The following SCN8A variants were observed in gnomAD, a reference collection of about 807,000 sequenced individuals.
SCN8A encodes sodium voltage-gated channel alpha subunit 8, also known as sodium channel protein type 8 subunit alpha.
Under a neutral mutation model 184.1 loss-of-function variants are expected in SCN8A, and 30 were observed. The ratio of observed to expected loss-of-function variants is 0.16; its 90% CI spans 0.12 to 0.22. The LOEUF is 0.22. Ranked by LOEUF, SCN8A falls within the 10% of genes least tolerant of loss-of-function variation. The pLI is 1.00. For synonymous variants in SCN8A, 852 were observed against 907.0 expected (o/e 0.94, Z 1.09); for missense variants, 1,057 against 2,498.9 (o/e 0.42, Z 12.30).
chr12:51,775,147 T>G (rs1937648202), intron 20 of SCN8A, among the ~76,000 whole-genome samples: 3 of 152,218 alleles, frequency 2.0e-5, no homozygotes, highest in South Asian at 2.1e-4. Flanking sequence ...GTCAGCATTT[T>G]AAAGAAAGGA....
At chr12:51,782,207 T>G (rs1431928722) in intron 21 of SCN8A, among the ~76,000 whole-genome samples, 1 of 152,186 alleles carries the variant, frequency 6.6e-6, no homozygotes, top group African/African-American at 2.4e-5. Flanking sequence ...TCAAAAAACT[T>G]GGGATTTTAA....
chr12:51,627,408 A>G (rs1940102836), intron 1 of SCN8A, among the ~76,000 whole-genome samples: 1 of 152,224 alleles, frequency 6.6e-6, no homozygotes. Context: ...TTTGAGACGC[A>G]GTCTTGCTCT....
At chr12:51,682,802 C>T (rs1671554061) in intron 2 of SCN8A, among the ~76,000 whole-genome samples, 1 of 152,108 alleles carries the variant, frequency 6.6e-6, no homozygotes, top group African/African-American at 2.4e-5. Context: ...GTCTAGTAGG[C>T]CCTTGCATCT....
chr12:51,633,048 A>G lies in SCN8A; in HGVS notation c.-54-29716A>G, dbSNP rs142770936. On this transcript the variant is annotated intron_variant, in intron 1 of 26. Coordinates refer to ENST00000627620, the MANE Select transcript of SCN8A (RefSeq NM_001330260.2). The stretch of plus-strand genomic sequence containing the variant: ...TTTTGAGATTCAAATGTGGTAATAT[A>G]TGTGAAGTACTTTGTTAAGCTCTGT... Among the ~76,000 whole-genome samples the G allele has an allele frequency of 2.6e-5, 4 of 152,288 alleles. No individual in the cohort carries two copies. In the East Asian group the frequency reaches 7.7e-4, roughly 29 times the overall value.
chr12:51,712,322 A>G (rs893598334), intron 11 of SCN8A: 7 of 571,020 alleles, frequency 1.2e-5, no homozygotes, highest in South Asian at 2.1e-5. Context: ...TTTTCTGACT[A>G]TGGATCATCC....
intron 1 of SCN8A, among the ~76,000 whole-genome samples, chr12:51,612,091 A>G (rs1379639409): frequency 6.6e-6 from 1 of 152,096 alleles, no homozygotes; most frequent in Non-Finnish European, 1.5e-5. Flanking sequence ...ACATCCATGC[A>G]TTCTTCCTGA....
intron 2 of SCN8A, 79 bp downstream of exon 2, chr12:51,663,172 C>G: frequency 2.0e-6 from 3 of 1,510,908 alleles, no homozygotes; most frequent in Non-Finnish European, 2.7e-6. Context: ...AGAACTGTGT[C>G]TCTTTGCCAA....
chr12:51,762,220 G>A (rs556914091), intron 14 of SCN8A, among the ~76,000 whole-genome samples: 22 of 152,108 alleles, frequency 1.4e-4, no homozygotes, highest in Non-Finnish European at 2.4e-4. Flanking sequence ...TATTGCCATT[G>A]CTTAGCATAT....
intron 22 of SCN8A, 101 bp from the exon 23 acceptor site, chr12:51,788,594 C>A: frequency 1.3e-6 from 1 of 784,770 alleles, no homozygotes; most frequent in Non-Finnish European, 1.9e-6. Context: ...AACCCCTGTT[C>A]TGTGTTCTCA....
Position 51,692,346 on chromosome 12 carries a change from G to T in SCN8A, c.706+3250G>T, listed in dbSNP as rs985023097. ...TAGATATTCTGAGTATGTCAGGGCC[G>T]CCAGGACTCCTGAAGATTGGACAGT... On this transcript the variant is annotated intron_variant, in intron 6 of 26. Coordinates refer to ENST00000627620, the MANE Select transcript of SCN8A (RefSeq NM_001330260.2). Among the ~76,000 whole-genome samples, 8 of 152,148 alleles carry T rather than the reference G, an allele frequency of 5.3e-5. No individual in the cohort carries two copies. The East Asian group carries it at 1.3e-3, about 26-fold the overall frequency.
intron 1 of SCN8A, among the ~76,000 whole-genome samples, chr12:51,592,158 T>C (rs942823453): frequency 6.7e-6 from 1 of 149,510 alleles, no homozygotes; most frequent in Non-Finnish European, 1.5e-5. Flanking sequence ...CTTGTTAGCG[T>C]TGGGGTACAG....
chr12:51,780,402 C>CT, intron 20 of SCN8A: 1 of 383,812 alleles, frequency 2.6e-6, no homozygotes. Flanking sequence ...TTTCTCTTCC[C>CT]TGTTGTTTTT....
intron 15 of SCN8A, among the ~76,000 whole-genome samples, chr12:51,764,273 T>A (rs1031963703): frequency 1.3e-5 from 2 of 152,238 alleles, no homozygotes; most frequent in African/African-American, 4.8e-5. Context: ...TGTTAGCATA[T>A]GACATCTAAT....
rs773865400 is a variant in SCN8A, at chr12:51,762,595, C to T, written c.2463C>T (p.Asp821=). ...TCCAAGAAGGTTGGAACATTTTTGACGGATTTATTGTCTCCCTCAGTTTAA... is the reference window on the plus strand; with the variant it reads ...TCCAAGAAGGTTGGAACATTTTTGATGGATTTATTGTCTCCCTCAGTTTAA... The part of the protein sequence containing the change: ...YYFQEGWNIF[D]GFIVSLSLME... Residue 821 remains aspartate, a synonymous_variant, in exon 15 of 27, where the codon GAC becomes GAT. Transcript: ENST00000627620. 26 of 1,613,084 alleles carry T rather than the reference C, an allele frequency of 1.6e-5. No homozygotes were observed. The highest frequency in any genetic ancestry group is 2.7e-5 in the African/African-American group (2 of 74,806).
chr12:51,714,281 T>C (rs1427540481), intron 11 of SCN8A, among the ~76,000 whole-genome samples: 2 of 152,228 alleles, frequency 1.3e-5, no homozygotes, highest in Admixed American at 6.5e-5. Flanking sequence ...TACTCTGTTA[T>C]AGTAAAATCC....
chr12:51,692,368 C>G (rs368088928), intron 6 of SCN8A, among the ~76,000 whole-genome samples: 1 of 152,220 alleles, frequency 6.6e-6, no homozygotes, highest in Non-Finnish European at 1.5e-5. Flanking sequence ...GAAGATTGGA[C>G]AGTAAGGTGC....
At chr12:51,696,715 T>C (rs766132480) in intron 6 of SCN8A, among the ~76,000 whole-genome samples, 1 of 152,112 alleles carries the variant, frequency 6.6e-6, no homozygotes, top group Admixed American at 6.6e-5. Flanking sequence ...CTATGAGAAG[T>C]AACCTTAAAT....
chr12:51,639,218 A>G (rs753140210), intron 1 of SCN8A, among the ~76,000 whole-genome samples: 23 of 152,108 alleles, frequency 1.5e-4, no homozygotes, highest in African/African-American at 3.1e-4. Flanking sequence ...GGCTCAAGCA[A>G]TCTTCCTGCC....
intron 11 of SCN8A, among the ~76,000 whole-genome samples, chr12:51,709,923 C>T (rs4762003): frequency 6.6e-6 from 1 of 151,944 alleles, no homozygotes; most frequent in Non-Finnish European, 1.5e-5. Context: ...GAAGATAACC[C>T]CTGACAGTTT....
Sources: gnomAD v4.1 joint callset for allele counts (sites outside exome capture counted in the v4.1 genomes callset) on GRCh38, gnomAD v4.1.1 for gene constraint, MANE v1.5 for transcripts, NCBI Gene and HGNC (gene_info 2026-07-23, HGNC 2026-07-21) for gene names.